ADD3: variants seen among roughly 807,000 people sequenced by gnomAD.
ADD3 encodes the protein adducin 3.
A neutral mutation model predicts 80.2 loss-of-function variants in ADD3; 25 were observed. The observed-to-expected ratio is 0.31, with a 90% CI of 0.23 to 0.44. ADD3 has a LOEUF of 0.44. Among genes scored for constraint, ADD3 ranks in the 20% least tolerant of loss-of-function variants. The pLI is 1.00. For missense variants in ADD3, 829 were observed against 847.5 expected, an observed-to-expected ratio of 0.98 and a Z score of 0.27; for synonymous variants, 284 against 289.6, an observed-to-expected ratio of 0.98 and a Z score of 0.20.
intron 1 of ADD3, among the ~76,000 whole-genome samples, chr10:110,072,729 A>G (rs1717577856): frequency 6.6e-6 from 1 of 152,200 alleles, no homozygotes; most frequent in Non-Finnish European, 1.5e-5. Context: ...ATTTTTATCA[A>G]GGAGTTATCT....
rs140952708 is a variant in ADD3, at chr10:110,124,074, A to C, written c.1201A>C (p.Lys401Gln). The change falls in exon 10 of 15, where the codon AAG becomes CAG. Residue 401 changes from lysine to glutamine, a missense_variant. Coordinates refer to ENST00000356080, the MANE Select transcript of ADD3 (RefSeq NM_016824.5). The part of the protein sequence containing the change: ...HPLIREKPRH[K>Q]SDVEIPATVT... ...TCTCATTCGAGAGAAGCCTAGGCAC[A>C]AGAGTGATGTGGAAATCCCAGCAAC... 3.7e-6 allele frequency: 6 copies of C among 1,614,066 alleles called. No homozygotes were observed. In the African/African-American group the frequency reaches 8.0e-5, roughly 22 times the overall value.
At chr10:110,053,940 G>T (rs1252134949) in intron 1 of ADD3, among the ~76,000 whole-genome samples, 3 of 152,152 alleles carry the variant, frequency 2.0e-5, no homozygotes, top group South Asian at 4.1e-4. Context: ...AACAGAATTG[G>T]TAATGACAAG....
In ADD3 at chr10:110,122,116, G is replaced by A. The variant is rs1188203048; in HGVS notation, c.967G>A (p.Ala323Thr). 6.8e-6 allele frequency: 11 copies of A among 1,612,360 alleles called. No homozygotes were observed. Among genetic ancestry groups the A allele is most frequent in the East Asian group, 2.2e-5 (1 of 44,874 alleles). ...ATTTTACCATTGATTACAGGTGCAG[G>A]CCCTAGCAGGTGCAGGTGGAGTAGA... ...VQLACEIQVQ[A>T]LAGAGGVDNL... is the part of the protein sequence containing the mutation. Residue 323 changes from alanine (A) to threonine (T), a missense_variant, in exon 9 of 15, where the codon GCC (alanine) becomes ACC (threonine). Coordinates refer to ENST00000356080, the MANE Select transcript of ADD3 (RefSeq NM_016824.5).
chr10:110,037,895 C>T (rs530934530), intron 1 of ADD3, among the ~76,000 whole-genome samples: 70 of 151,566 alleles, frequency 4.6e-4, no homozygotes, highest in Non-Finnish European at 8.5e-4. Flanking sequence ...GGAGAAACCC[C>T]GTCTCTACTA....
intron 12 of ADD3, 76 bp downstream of exon 12, chr10:110,126,579 T>TAAAA: frequency 9.5e-7 from 1 of 1,053,344 alleles, no homozygotes; most frequent in Non-Finnish European, 1.4e-6. Flanking sequence ...TATGAATATT[T>TAAAA]ATTTTTACTA....
At position 110,126,097 on chromosome 10, in the gene ADD3, C is replaced by T. The variant is rs968050684; in HGVS notation, c.1521+152C>T. On this transcript the variant is annotated intron_variant, in intron 11 of 14. Transcript: ENST00000356080. ...GTATAATTTTAGCTTATATTGAATGCCTCCAGCTCTGTGCTAGTAATTGGT... is the reference window on the plus strand; with the variant it reads ...GTATAATTTTAGCTTATATTGAATGTCTCCAGCTCTGTGCTAGTAATTGGT... 5.2e-6 allele frequency: 4 copies of T among 774,796 alleles called. No homozygotes were observed. In the African/African-American group the frequency reaches 5.3e-5, roughly 10 times the overall value. The allele number at this position is 774,796 out of a possible 1,614,324, so 48.0% of individuals were successfully genotyped here. A position where few individuals can be genotyped will look rare whatever the true frequency, so the allele number is the denominator to read the frequency against.
intron 1 of ADD3, among the ~76,000 whole-genome samples, chr10:110,040,879 A>G (rs1445458992): frequency 1.3e-5 from 2 of 152,136 alleles, no homozygotes; most frequent in African/African-American, 2.4e-5. Flanking sequence ...TCTGGCATGG[A>G]GAAAGAAAAC....
At chr10:110,003,445 A>G (rs1003877321), upstream of ADD3, among the ~76,000 whole-genome samples, 1 of 152,168 alleles carries the variant, frequency 6.6e-6, no homozygotes, top group Non-Finnish European at 1.5e-5. Flanking sequence ...TTTTAAATAC[A>G]TTTGCCTATA....
chr10:110,045,788 A>T (rs911101676), intron 1 of ADD3, among the ~76,000 whole-genome samples: 3 of 152,214 alleles, frequency 2.0e-5, no homozygotes, highest in African/African-American at 7.2e-5. Flanking sequence ...AAATAAACAT[A>T]AAAAGGCAGT....
At chr10:110,012,461 G>A (rs548747912) in intron 1 of ADD3, among the ~76,000 whole-genome samples, 13 of 152,264 alleles carry the variant, frequency 8.5e-5, no homozygotes, top group South Asian at 6.2e-4. Flanking sequence ...GAAAAGCTGC[G>A]TTAACAATTC....
chr10:110,092,189 A>G (rs1847602593), intron 1 of ADD3, among the ~76,000 whole-genome samples: 1 of 152,206 alleles, frequency 6.6e-6, no homozygotes, highest in East Asian at 1.9e-4. Flanking sequence ...CAGAACTACC[A>G]TTCAACCCAG....
intron 1 of ADD3, chr10:109,996,447 G>A (rs1851382043): frequency 6.6e-6 from 1 of 152,228 alleles, no homozygotes; most frequent in Non-Finnish European, 1.5e-5. Context: ...AAGACATGAG[G>A]TAAGTCATTA....
chr10:110,045,119 C>CATGAG (rs1361180478), intron 1 of ADD3, among the ~76,000 whole-genome samples: 1 of 152,174 alleles, frequency 6.6e-6, no homozygotes, highest in Non-Finnish European at 1.5e-5. Context: ...CTTTGGGAGG[C>CATGAG]CAAGGTGGGG....
intron 1 of ADD3, among the ~76,000 whole-genome samples, chr10:110,079,749 C>T (rs1174642420): frequency 2.0e-5 from 3 of 152,012 alleles, no homozygotes; most frequent in Non-Finnish European, 2.9e-5. Context: ...CCATGTTGGC[C>T]GGGCTGGTCT....
At chr10:110,039,238 A>G (rs748543272) in intron 1 of ADD3, among the ~76,000 whole-genome samples, 2 of 142,970 alleles carry the variant, frequency 1.4e-5, no homozygotes, top group South Asian at 4.2e-4. Flanking sequence ...TCAGTCCGCT[A>G]CCACCTCCTC....
At chr10:110,095,657 T>C (rs1848060562) in intron 1 of ADD3, among the ~76,000 whole-genome samples, 1 of 152,210 alleles carries the variant, frequency 6.6e-6, no homozygotes, top group South Asian at 2.1e-4. Context: ...CTTTTTCCTG[T>C]TAATGAAAAA....
intron 1 of ADD3, among the ~76,000 whole-genome samples, chr10:110,044,576 G>GTT: frequency 6.6e-6 from 1 of 152,290 alleles, no homozygotes; most frequent in African/African-American, 2.4e-5. Flanking sequence ...AACATCCACA[G>GTT]CTGATAAGTA....
chr10:110,104,870 T>C (rs1325633811), intron 2 of ADD3, among the ~76,000 whole-genome samples: 1 of 152,206 alleles, frequency 6.6e-6, no homozygotes, highest in African/African-American at 2.4e-5. Flanking sequence ...AGTTAAATGA[T>C]GTGGTCAGAA....
intron 1 of ADD3, among the ~76,000 whole-genome samples, chr10:109,996,707 T>C (rs1314786488): frequency 2.0e-5 from 3 of 152,250 alleles, no homozygotes; most frequent in Non-Finnish European, 4.4e-5. Flanking sequence ...AAGTTTAGTC[T>C]GAAGGTAGAA....
Sources: allele counts gnomAD v4.1 joint callset (sites outside exome capture counted in the v4.1 genomes callset), GRCh38; gene constraint gnomAD v4.1.1; transcripts MANE v1.5; gene names NCBI Gene and HGNC (gene_info 2026-07-23, HGNC 2026-07-21).